ERC2: variants seen among roughly 807,000 people sequenced by gnomAD.
ERC2 encodes the protein ELKS/RAB6-interacting/CAST family member 2.
Under a neutral mutation model 114.8 loss-of-function variants are expected in ERC2, and 42 were observed. The ratio of observed to expected loss-of-function variants is 0.37; its 90% CI spans 0.29 to 0.47. The LOEUF (loss-of-function observed/expected upper bound fraction) is 0.47. Ranked by LOEUF, ERC2 falls within the 20% of genes least tolerant of loss-of-function variation. ERC2 has a pLI of 0.99. For missense variants in ERC2, 939 were observed against 1,150.7 expected (o/e 0.82, Z 2.66); for synonymous variants, 454 against 425.5 (o/e 1.07, Z -0.82).
intron 7 of ERC2, among the ~76,000 whole-genome samples, chr3:56,076,294 T>C (rs1321334812): frequency 6.6e-6 from 1 of 152,166 alleles, no homozygotes; most frequent in Non-Finnish European, 1.5e-5. Flanking sequence ...TTTAAAAAAA[T>C]TCGTGGGTAG....
chr3:56,423,656 G>A (rs925045795), intron 2 of ERC2, among the ~76,000 whole-genome samples: 2 of 152,188 alleles, frequency 1.3e-5, no homozygotes, highest in African/African-American at 4.8e-5. Context: ...GCTACACGTT[G>A]CTTCCAAGGC....
intron 7 of ERC2, among the ~76,000 whole-genome samples, chr3:56,063,483 G>A (rs1446507153): frequency 2.0e-5 from 3 of 152,086 alleles, no homozygotes; most frequent in Admixed American, 2.0e-4. Context: ...ATAATTTATT[G>A]AGCACCAACA....
chr3:56,176,063 G>A (rs895316667), intron 3 of ERC2, among the ~76,000 whole-genome samples: 1 of 152,162 alleles, frequency 6.6e-6, no homozygotes, highest in Non-Finnish European at 1.5e-5. Flanking sequence ...GGAGTTCACT[G>A]TACCAATAAA....
intron 17 of ERC2, among the ~76,000 whole-genome samples, chr3:55,594,900 A>G (rs1264869523): frequency 2.6e-5 from 4 of 152,038 alleles, no homozygotes; most frequent in African/African-American, 7.2e-5. Context: ...CCTCATCACC[A>G]TCACCATCAA....
In ERC2 at chr3:56,222,814, A is replaced by G. The variant is rs545683954; in HGVS notation, c.1075-49294T>C. On this transcript the variant is annotated intron_variant, in intron 3 of 17. Coordinates refer to ENST00000288221, the MANE Select transcript of ERC2 (RefSeq NM_015576.3). ...TCTTGTTTCTATGGGTCACAAAACCATACAAAAGCCTCCTGGCCACGACAT... is the reference window on the plus strand; with the variant it reads ...TCTTGTTTCTATGGGTCACAAAACCGTACAAAAGCCTCCTGGCCACGACAT... Among the ~76,000 whole-genome samples, 213 of 152,362 alleles carry G rather than the reference A, an allele frequency of 1.4e-3. 2 individuals are homozygous for G. Among genetic ancestry groups the G allele is most frequent in the South Asian group, 0.013 (64 of 4,830 alleles).
At chr3:56,064,484 G>A (rs755911218) in intron 7 of ERC2, among the ~76,000 whole-genome samples, 20 of 152,134 alleles carry the variant, frequency 1.3e-4, no homozygotes, top group African/African-American at 1.9e-4. Context: ...CCATGTCAAT[G>A]AGTGCTATTC....
chr3:56,330,494 C>G (rs750273585), intron 2 of ERC2, among the ~76,000 whole-genome samples: 1 of 152,174 alleles, frequency 6.6e-6, no homozygotes, highest in Non-Finnish European at 1.5e-5. Context: ...CAGTCCAGAG[C>G]AATTTTCACT....
chr3:55,879,942 G>A (rs1406290694), intron 14 of ERC2, among the ~76,000 whole-genome samples: 1 of 152,188 alleles, frequency 6.6e-6, no homozygotes, highest in East Asian at 1.9e-4. Context: ...GAGGATTTTT[G>A]TTCATAGAGT....
chr3:55,842,711 T>C (rs1378225034), intron 14 of ERC2, among the ~76,000 whole-genome samples: 1 of 146,442 alleles, frequency 6.8e-6, no homozygotes, highest in Non-Finnish European at 1.5e-5. Context: ...ATAGACTCAG[T>C]TAAAAAAAAA....
At chr3:55,977,929 GA>G (rs1053078266) in intron 12 of ERC2, among the ~76,000 whole-genome samples, 26 of 151,778 alleles carry the variant, frequency 1.7e-4, no homozygotes, top group African/African-American at 6.3e-4. Flanking sequence ...AGTTTGCCAA[GA>G]AAAAAAAGCC....
chr3:56,097,885 T>C (rs2078148210), intron 6 of ERC2, among the ~76,000 whole-genome samples: 1 of 152,212 alleles, frequency 6.6e-6, no homozygotes, highest in African/African-American at 2.4e-5. Flanking sequence ...ACATTTGCAG[T>C]GCATTCTAAG....
intron 17 of ERC2, among the ~76,000 whole-genome samples, chr3:55,594,763 C>T (rs1387442795): frequency 6.6e-6 from 1 of 152,170 alleles, no homozygotes; most frequent in Non-Finnish European, 1.5e-5. Flanking sequence ...GGATTACAGG[C>T]ATGAGCCACT....
chr3:56,380,197 C>A (rs2059696282), intron 2 of ERC2, among the ~76,000 whole-genome samples: 1 of 152,148 alleles, frequency 6.6e-6, no homozygotes, highest in African/African-American at 2.4e-5. Flanking sequence ...TTCTTGACAG[C>A]AGACGTCTGG....
intron 17 of ERC2, among the ~76,000 whole-genome samples, chr3:55,676,855 G>A (rs1019037484): frequency 2.6e-5 from 4 of 152,122 alleles, no homozygotes; most frequent in African/African-American, 4.8e-5. Flanking sequence ...TCTGCTAGAC[G>A]CCTCCCGCCT....
At chr3:56,364,982 CTA>C (rs1201225005) in intron 2 of ERC2, among the ~76,000 whole-genome samples, 2 of 152,168 alleles carry the variant, frequency 1.3e-5, no homozygotes, top group African/African-American at 4.8e-5. Flanking sequence ...CTCTCATAGC[CTA>C]TGTTTCCTCA....
chr3:55,709,149 G>C lies in ERC2; in HGVS notation c.2713-9637C>G, dbSNP rs138078074. ...CCTAACAGAATTGGCCAATAGGCTA[G>C]AAACTGGAGCGTGAACATTCTAGTA... On this transcript the variant is annotated intron_variant, in intron 15 of 17. Coordinates refer to ENST00000288221, the MANE Select transcript of ERC2 (RefSeq NM_015576.3). 6.1e-3 allele frequency among the ~76,000 whole-genome samples: 929 copies of C among 152,258 alleles called. 13 individuals are homozygous for C. The highest frequency in any genetic ancestry group is 0.022 in the African/African-American group (895 of 41,540).
intron 3 of ERC2, among the ~76,000 whole-genome samples, chr3:56,221,097 C>T (rs2049874530): frequency 2.0e-5 from 3 of 151,984 alleles, no homozygotes; most frequent in Admixed American, 2.0e-4. Flanking sequence ...CATAAACAAA[C>T]ATCTGTTAGA....
chr3:56,369,640 C>A (rs928269842), intron 2 of ERC2, among the ~76,000 whole-genome samples: 1 of 151,740 alleles, frequency 6.6e-6, no homozygotes. Context: ...ATAAATAAAT[C>A]TTTTTGTCCT....
At chr3:55,913,549 AT>A (rs59050338) in intron 13 of ERC2, among the ~76,000 whole-genome samples, 40,585 of 151,964 alleles carry the variant, frequency 0.27, 6,737 homozygotes, top group Non-Finnish European at 0.34. Context: ...GTTTTTCTGT[AT>A]TTTTTGTAAC....
Sources: allele counts gnomAD v4.1 joint callset (sites outside exome capture counted in the v4.1 genomes callset), GRCh38; gene constraint gnomAD v4.1.1; transcripts MANE v1.5; gene names NCBI Gene and HGNC (gene_info 2026-07-23, HGNC 2026-07-21).